Variants in ZW10 observed in about 807,000 individuals in gnomAD.
ZW10 encodes centromere/kinetochore protein zw10 homolog.
In ZW10, 53 loss-of-function variants were observed where a neutral mutation model predicts 87.8. The ratio of observed to expected loss-of-function variants is 0.60; its 90% CI spans 0.48 to 0.76. The LOEUF (loss-of-function observed/expected upper bound fraction) is 0.76. Ranked by LOEUF, ZW10 falls within the 30% of genes least tolerant of loss-of-function variation. The probability of loss-of-function intolerance (pLI) is 0.00; values close to 1 mark genes in which losing one functional copy is unlikely to be tolerated. For synonymous variants in ZW10, 312 were observed against 329.2 expected, an observed-to-expected ratio of 0.95 and a Z score of 0.57; for missense variants, 837 against 923.0, an observed-to-expected ratio of 0.91 and a Z score of 1.21.
At chr11:113,757,529 CT>C (rs1454292452) in intron 7 of ZW10, 132 bp downstream of exon 7, 16 of 698,306 alleles carry the variant, frequency 2.3e-5, no homozygotes, top group Non-Finnish European at 2.9e-5. Context: ...TCTTTTGCCC[CT>C]ATGGCACAAT....
chr11:113,761,066 T>C, intron 2 of ZW10, 148 bp from the exon 3 acceptor site: 1 of 660,792 alleles, frequency 1.5e-6, no homozygotes, highest in Non-Finnish European at 2.5e-6. Context: ...AATCACAGAA[T>C]GTAGTAGGAA....
intron 10 of ZW10, among the ~76,000 whole-genome samples, chr11:113,742,299 A>G (rs1953628375): frequency 6.6e-6 from 1 of 152,178 alleles, no homozygotes; most frequent in Admixed American, 6.5e-5. Context: ...TAAAACACCT[A>G]CAGATTATTA....
intron 2 of ZW10, among the ~76,000 whole-genome samples, chr11:113,761,960 T>C (rs1953864846): frequency 6.6e-6 from 1 of 152,200 alleles, no homozygotes; most frequent in African/African-American, 2.4e-5. Flanking sequence ...TTCCTAACTG[T>C]TCTTGCCAAA....
chr11:113,761,575 C>T (rs1224259395), intron 2 of ZW10, among the ~76,000 whole-genome samples: 1 of 152,124 alleles, frequency 6.6e-6, no homozygotes, highest in Non-Finnish European at 1.5e-5. Context: ...GCCATGGCAC[C>T]CTGTCAGAAA....
At position 113,736,763 on chromosome 11, in the gene ZW10, T is replaced by A; in HGVS notation, c.2076A>T (p.Glu692Asp). 1 of 1,614,202 alleles carries A rather than the reference T, an allele frequency of 6.2e-7. No homozygotes were observed. The highest frequency in any genetic ancestry group is 8.5e-7 in the Non-Finnish European group (1 of 1,180,030). The part of the protein sequence containing the change: ...LYSLCKTVMD[E>D]GPQVFAPLSE... Reference sequence around the variant, plus strand: ...ATAAAGGTGCAAATACTTGGGGTCCTTCATCCATCACTGTTTTGCATAAGG... The same window carrying A: ...ATAAAGGTGCAAATACTTGGGGTCCATCATCCATCACTGTTTTGCATAAGG... Residue 692 changes from glutamate (E) to aspartate (D), a missense_variant, in exon 15 of 16, where the codon GAA becomes GAT. Transcript: ENST00000200135.
intron 2 of ZW10, among the ~76,000 whole-genome samples, chr11:113,763,646 C>A (rs959284938): frequency 6.6e-6 from 1 of 152,132 alleles, no homozygotes; most frequent in African/African-American, 2.4e-5. Flanking sequence ...TGTTTGTAGG[C>A]CGCATAAATG....
At chr11:113,756,286 G>A (rs866570888) in intron 7 of ZW10, among the ~76,000 whole-genome samples, 10 of 152,230 alleles carry the variant, frequency 6.6e-5, no homozygotes, top group Middle Eastern at 3.4e-3. Flanking sequence ...GCCAATACCA[G>A]AAGAGCAATG....
At chr11:113,735,184 C>T (rs1953535772) in intron 15 of ZW10, among the ~76,000 whole-genome samples, 1 of 152,054 alleles carries the variant, frequency 6.6e-6, no homozygotes, top group Non-Finnish European at 1.5e-5. Context: ...TTACACAAAT[C>T]TCTGGGGGAA....
chr11:113,757,626 T>TC, intron 7 of ZW10, 36 bp downstream of exon 7: 11 of 1,332,340 alleles, frequency 8.3e-6, no homozygotes, highest in Non-Finnish European at 1.1e-5. Context: ...ATATTTAGTT[T>TC]CCAAAATATA....
At chr11:113,750,898 T>C (rs2465649) in intron 7 of ZW10, among the ~76,000 whole-genome samples, 133,171 of 151,914 alleles carry the variant, frequency 0.88, 59,252 homozygotes, top group East Asian at 0.95. Flanking sequence ...AAGGAAAGGA[T>C]ATATTTTTTA....
chr11:113,742,685 G>A (rs1398523088), intron 10 of ZW10, among the ~76,000 whole-genome samples: 1 of 152,170 alleles, frequency 6.6e-6, no homozygotes, highest in East Asian at 1.9e-4. Flanking sequence ...CTAACTTCTG[G>A]TCTGATATAT....
rs1953514356 is a variant in ZW10, at chr11:113,733,563, T to C, written c.*131A>G. On this transcript the variant is annotated 3_prime_UTR_variant, in exon 16 of 16. Transcript: ENST00000200135. ...CAGGCCAGGAGGTAAGACGTTCTTCTGTAAAGTCAAACTTCCAAGATGTAC... is the reference window on the plus strand; with the variant it reads ...CAGGCCAGGAGGTAAGACGTTCTTCCGTAAAGTCAAACTTCCAAGATGTAC... The C allele has an allele frequency of 1.6e-6, 2 of 1,252,760 alleles. No individual in the cohort carries two copies. The highest frequency in any genetic ancestry group is 1.5e-5 in the African/African-American group (1 of 67,018). The allele number at this position is 1,252,760 out of a possible 1,614,324, so 77.6% of individuals were successfully genotyped here. A position where few individuals can be genotyped will look rare whatever the true frequency, so the allele number is the denominator to read the frequency against.
chr11:113,736,582 T>C, intron 15 of ZW10, 38 bp downstream of exon 15: 1 of 1,590,436 alleles, frequency 6.3e-7, no homozygotes, highest in Non-Finnish European at 8.6e-7. Context: ...CTTGTAGCTA[T>C]GGAGAGTTAT....
intron 7 of ZW10, among the ~76,000 whole-genome samples, chr11:113,749,285 A>G (rs1953712365): frequency 6.6e-6 from 1 of 152,232 alleles, no homozygotes; most frequent in Admixed American, 6.5e-5. Flanking sequence ...GCATTGTCCA[A>G]TATGATAGCC....
intron 5 of ZW10, among the ~76,000 whole-genome samples, chr11:113,759,568 A>G (rs998080933): frequency 1.2e-4 from 18 of 152,312 alleles, no homozygotes; most frequent in African/African-American, 4.1e-4. Context: ...CAGCCTCTGA[A>G]GTTTTACTCT....
intron 15 of ZW10, among the ~76,000 whole-genome samples, chr11:113,734,662 G>A (rs1021540636): frequency 7.9e-5 from 12 of 152,108 alleles, no homozygotes; most frequent in East Asian, 7.7e-4. Flanking sequence ...AAAATTAGGC[G>A]GATGTGGTGA....
At chr11:113,764,558 T>C (rs1204165843) in intron 2 of ZW10, among the ~76,000 whole-genome samples, 2 of 152,166 alleles carry the variant, frequency 1.3e-5, no homozygotes, top group African/African-American at 4.8e-5. Flanking sequence ...ATATTTTATT[T>C]AAATTCATCT....
rs1305938443 is a variant in ZW10, at chr11:113,758,606, G to A, written c.681C>T (p.Val227=). The A allele has an allele frequency of 6.2e-7, 1 of 1,613,762 alleles. No homozygotes were observed. The highest frequency in any genetic ancestry group is 1.7e-5 in the Admixed American group (1 of 59,994). The change falls in exon 6 of 16, where the codon GTC becomes GTT. Residue 227 remains valine (V), a synonymous_variant. Coordinates refer to ENST00000200135, the MANE Select transcript of ZW10 (RefSeq NM_004724.4). ...EKTPMPPISS[V]LLAFSVLGEL... ...CTCCAAGAACAGAAAATGCCAAGAG[G>A]ACAGAACTGATGGGTGGCATAGGGG...
At chr11:113,760,491 CT>C (rs1953845595) in intron 4 of ZW10, 21 bp downstream of exon 4, 1 of 1,610,702 alleles carries the variant, frequency 6.2e-7, no homozygotes, top group Non-Finnish European at 8.5e-7. Flanking sequence ...ATTGCGCATG[CT>C]TTGGGGAGAG....
Sources: gnomAD v4.1 joint callset for allele counts (sites outside exome capture counted in the v4.1 genomes callset) on GRCh38, gnomAD v4.1.1 for gene constraint, MANE v1.5 for transcripts, NCBI Gene and HGNC (gene_info 2026-07-23, HGNC 2026-07-21) for gene names.